Variants in PKNOX2 observed in about 807,000 individuals in gnomAD.
PKNOX2 encodes PBX/knotted 1 homeobox 2, also known as homeobox protein PKNOX2.
In PKNOX2, 14 loss-of-function variants were observed where a neutral mutation model predicts 53.1. The observed-to-expected ratio is 0.26, with a 90% CI of 0.17 to 0.41. PKNOX2 has a LOEUF of 0.41. PKNOX2 is among the 10% of genes least tolerant of loss of function. The pLI is 1.00. For synonymous variants in PKNOX2, 257 were observed against 242.8 expected (o/e 1.06, Z -0.54); for missense variants, 496 against 602.8 (o/e 0.82, Z 1.85).
At chr11:125,219,688 C>T (rs1182481764) in intron 1 of PKNOX2, among the ~76,000 whole-genome samples, 1 of 152,100 alleles carries the variant, frequency 6.6e-6, no homozygotes, top group African/African-American at 2.4e-5. Context: ...AAGAGAAATG[C>T]AAATTAAAAC....
At chr11:125,225,551 A>G (rs953306915) in intron 1 of PKNOX2, among the ~76,000 whole-genome samples, 1 of 151,794 alleles carries the variant, frequency 6.6e-6, no homozygotes, top group Non-Finnish European at 1.5e-5. Context: ...GCTGCCCCAG[A>G]CTCCAGCTCC....
intron 2 of PKNOX2, chr11:125,288,014 T>C (rs552696143): frequency 3.3e-5 from 5 of 152,384 alleles, no homozygotes; most frequent in Non-Finnish European, 7.3e-5. Context: ...AAACATGCTC[T>C]GGGATTAATG....
rs73615781 is a variant in PKNOX2 at position 125,165,461 on chromosome 11, C to G, written c.-201+685C>G. 0.052 allele frequency among the ~76,000 whole-genome samples: 7,870 copies of G among 152,242 alleles called. 732 individuals carry two copies. Among genetic ancestry groups the G allele is most frequent in the African/African-American group, 0.18 (7,511 of 41,546 alleles). On this transcript the variant is annotated intron_variant, in intron 1 of 12. Transcript: ENST00000298282. This position sits in a 1 kb window ranked among gnomAD's most constrained non-coding sequence, Gnocchi z 4.5. ...CCGGCGCTTACTCCGCGCCACCAGC[C>G]TGGAGATGCTTTCCAGCGGCTGGAG...
intron 1 of PKNOX2, among the ~76,000 whole-genome samples, chr11:125,171,979 G>A (rs1263284376): frequency 6.6e-6 from 1 of 152,236 alleles, no homozygotes; most frequent in Non-Finnish European, 1.5e-5. Flanking sequence ...CAGTGGGGCA[G>A]GATGTGGAGT....
At chr11:125,199,579 C>T (rs956740413) in intron 1 of PKNOX2, among the ~76,000 whole-genome samples, 3 of 152,190 alleles carry the variant, frequency 2.0e-5, no homozygotes, top group Non-Finnish European at 2.9e-5. Flanking sequence ...TGCTGTGGCT[C>T]ACACCTGTAA....
intron 1 of PKNOX2, among the ~76,000 whole-genome samples, chr11:125,205,071 A>G (rs1938925593): frequency 6.6e-6 from 1 of 152,258 alleles, no homozygotes; most frequent in African/African-American, 2.4e-5. Flanking sequence ...TGCTGAGCAC[A>G]GGGCTTGTGT....
At chr11:125,350,441 A>G (rs990646577) in intron 3 of PKNOX2, among the ~76,000 whole-genome samples, 7 of 148,118 alleles carry the variant, frequency 4.7e-5, no homozygotes, top group African/African-American at 1.7e-4. Flanking sequence ...CCGCCCTCCC[A>G]TACACAAGTC....
chr11:125,339,083 C>T (rs1490661313), intron 3 of PKNOX2, among the ~76,000 whole-genome samples: 1 of 152,232 alleles, frequency 6.6e-6, no homozygotes, highest in Non-Finnish European at 1.5e-5. Context: ...AGTTTTCCCT[C>T]TTAGGAGCCA....
rs549477470 is a variant in PKNOX2, at chr11:125,352,296, A to T, written c.87+904A>T. 3.4e-3 allele frequency among the ~76,000 whole-genome samples: 519 copies of T among 152,282 alleles called. 2 individuals are homozygous for T. Among genetic ancestry groups the T allele is most frequent in the Non-Finnish European group, 5.2e-3 (352 of 68,030 alleles). On this transcript the variant is annotated intron_variant, in intron 4 of 12. Coordinates refer to ENST00000298282, the MANE Select transcript of PKNOX2 (RefSeq NM_001382323.2). The surrounding 1 kb of genome is among the most constrained non-coding windows in gnomAD (Gnocchi z 4.1). ...GTCAATATGAATTCAATAATTATTTATTGGGCACCTGTGATGTGAAATGCA... is the reference window on the plus strand; with the variant it reads ...GTCAATATGAATTCAATAATTATTTTTTGGGCACCTGTGATGTGAAATGCA...
In PKNOX2 at chr11:125,299,011, G is replaced by T. The variant is rs1022858443; in HGVS notation, c.-129-32808G>T. Among the ~76,000 whole-genome samples the T allele has an allele frequency of 2.6e-5, 4 of 152,164 alleles. No homozygotes were observed. In the East Asian group the frequency reaches 5.8e-4, roughly 22 times the overall value. On this transcript the variant is annotated intron_variant, in intron 2 of 12. Coordinates refer to ENST00000298282, the MANE Select transcript of PKNOX2 (RefSeq NM_001382323.2). Reference sequence around the variant, plus strand: ...AGAGGTGTATTTGGCTCACAGTTCTGCAGGCTGTACAAGCATGGTGCCAGC... The same window carrying T: ...AGAGGTGTATTTGGCTCACAGTTCTTCAGGCTGTACAAGCATGGTGCCAGC...
chr11:125,350,381 A>G (rs1179864050), intron 3 of PKNOX2, among the ~76,000 whole-genome samples: 1 of 152,062 alleles, frequency 6.6e-6, no homozygotes, highest in Non-Finnish European at 1.5e-5. Context: ...AGAGCTGGGA[A>G]TCTGGAGGTG....
chr11:125,253,959 C>T (rs1176076675), intron 2 of PKNOX2, among the ~76,000 whole-genome samples: 1 of 152,086 alleles, frequency 6.6e-6, no homozygotes, highest in Non-Finnish European at 1.5e-5. Context: ...GGGATAAGTG[C>T]TCCTGCTGGG....
intron 2 of PKNOX2, among the ~76,000 whole-genome samples, chr11:125,247,758 C>G (rs779801638): frequency 1.3e-5 from 2 of 152,124 alleles, no homozygotes; most frequent in Non-Finnish European, 2.9e-5. Flanking sequence ...GTCTCCCCAC[C>G]CAGCCTCAGG....
At chr11:125,291,139 C>T (rs1462955332) in intron 2 of PKNOX2, among the ~76,000 whole-genome samples, 1 of 152,196 alleles carries the variant, frequency 6.6e-6, no homozygotes, top group Non-Finnish European at 1.5e-5. Context: ...GAATAGGGGA[C>T]AGGGTCACCA....
chr11:125,251,175 C>T (rs761796592), intron 2 of PKNOX2, among the ~76,000 whole-genome samples: 2 of 152,220 alleles, frequency 1.3e-5, no homozygotes, highest in Non-Finnish European at 2.9e-5. Context: ...TCTGTTTTTC[C>T]TTGCTAAGGT....
At chr11:125,164,980 G>A (rs1954741590) in intron 1 of PKNOX2, among the ~76,000 whole-genome samples, 2 of 151,814 alleles carry the variant, frequency 1.3e-5, no homozygotes, top group Non-Finnish European at 1.5e-5. Context: ...AGGCAGCAGG[G>A]AGGAGGGAGG....
intron 3 of PKNOX2, among the ~76,000 whole-genome samples, chr11:125,337,075 G>T (rs1443650969): frequency 6.6e-6 from 1 of 151,922 alleles, no homozygotes; most frequent in Non-Finnish European, 1.5e-5. Flanking sequence ...TTAAGATTTA[G>T]AAGATTTATA....
rs151315574 is a variant in PKNOX2, at chr11:125,218,539, G to A, written c.-200-16506G>A. On this transcript the variant is annotated intron_variant, in intron 1 of 12. Transcript: ENST00000298282. Reference sequence around the variant, plus strand: ...GGAGGGATAGGCTGAGCAAAAGCACGGAGGTGTGAGCAAGGCTGGGAGGTG... The same window carrying A: ...GGAGGGATAGGCTGAGCAAAAGCACAGAGGTGTGAGCAAGGCTGGGAGGTG... Among the ~76,000 whole-genome samples, 200 of 152,294 alleles carry A rather than the reference G, an allele frequency of 1.3e-3. 1 individual carries two copies. Among genetic ancestry groups the A allele is most frequent in the African/African-American group, 4.2e-3 (176 of 41,572 alleles).
intron 2 of PKNOX2, among the ~76,000 whole-genome samples, chr11:125,293,971 A>C (rs1947490681): frequency 6.6e-6 from 1 of 152,200 alleles, no homozygotes; most frequent in South Asian, 2.1e-4. Context: ...GGAAAAAAAA[A>C]TCCAGAATGC....
Sources: allele counts gnomAD v4.1 joint callset (sites outside exome capture counted in the v4.1 genomes callset), GRCh38; gene constraint gnomAD v4.1.1; non-coding constraint Gnocchi (gnomAD v3.1); transcripts MANE v1.5; gene names NCBI Gene and HGNC (gene_info 2026-07-23, HGNC 2026-07-21).